The following KCTD14 variants were observed in gnomAD, a reference collection of about 807,000 sequenced individuals.
The protein encoded by KCTD14 is BTB/POZ domain-containing protein KCTD14.
Under a neutral mutation model 5.9 loss-of-function variants are expected in KCTD14, and 7 were observed. The ratio of observed to expected loss-of-function variants is 1.19; its 90% confidence interval spans 0.68 to 2.23. The LOEUF is 2.23. Ranked by LOEUF, KCTD14 falls within the 30% of genes most tolerant of loss-of-function variation. The pLI is 0.00. For missense variants in KCTD14, 342 were observed against 332.2 expected (o/e 1.03, Z -0.23); for synonymous variants, 140 against 133.1 (o/e 1.05, Z -0.36).
At chr11:78,018,179 T>G (rs1435018553) in intron 1 of KCTD14, among the ~76,000 whole-genome samples, 2 of 152,160 alleles carry the variant, frequency 1.3e-5, no homozygotes, top group Admixed American at 6.5e-5. Context: ...TCAGCAATGA[T>G]ACTTCCAAAG....
Position 78,016,932 on chromosome 11 carries a change from C to T in KCTD14, c.429G>A (p.Pro143=), listed in dbSNP as rs138302094. Residue 143 remains proline, a synonymous_variant, in exon 2 of 2, where the codon CCG becomes CCA. Transcript: ENST00000353172. ...TGAGCTCCAGGTTCTCGCTGTAGCC[C>T]GGCACTTGCAGCAAAAACTGCTTCC... ...VSRKQFLLQV[P]GYSENLELMV... is the part of the protein sequence containing the mutation. 324 of 1,614,088 alleles carry T rather than the reference C, an allele frequency of 2.0e-4. 1 individual carries two copies. The highest frequency in any genetic ancestry group is 2.5e-4 in the Non-Finnish European group (294 of 1,180,052).
chr11:78,016,965 C>G lies in KCTD14; in HGVS notation c.396G>C (p.Gln132His), dbSNP rs149221032. Residue 132 changes from glutamine to histidine, a missense_variant, in exon 2 of 2, where the codon CAG (glutamine) becomes CAC (histidine). Gln to His is a conservative substitution (Grantham distance 24, BLOSUM62 0). Transcript: ENST00000353172. Reference protein sequence around the residue: ...LEDMPQIFGEQVSRKQFLLQV... With the variant: ...LEDMPQIFGEHVSRKQFLLQV... ...GCAGCAAAAACTGCTTCCGAGACAC[C>G]TGCTCACCAAAGATCTGTGGCATGT... 20 of 1,614,118 alleles carry G rather than the reference C, an allele frequency of 1.2e-5. No individual in the cohort carries two copies. The African/African-American group carries it at 2.0e-4, about 16-fold the overall frequency.
chr11:78,017,613 T>C (rs1857206575), intron 1 of KCTD14, among the ~76,000 whole-genome samples: 1 of 151,944 alleles, frequency 6.6e-6, no homozygotes, highest in Non-Finnish European at 1.5e-5. Flanking sequence ...CCCAACTAAT[T>C]TTTGTATTTT....
chr11:78,021,327 A>C (rs1591177542), intron 1 of KCTD14, among the ~76,000 whole-genome samples: 1 of 132,508 alleles, frequency 7.5e-6, no homozygotes, highest in South Asian at 2.5e-4. Flanking sequence ...AAAAAAAAAA[A>C]AAGTTTCCTG....
At chr11:78,033,231 G>A (rs1166524405) in intron 2 of KCTD14, among the ~76,000 whole-genome samples, 1 of 152,190 alleles carries the variant, frequency 6.6e-6, no homozygotes, top group African/African-American at 2.4e-5. Context: ...AAGAATGTTC[G>A]TTGCGTCATT....
Position 78,017,176 on chromosome 11 carries a change from A to G in KCTD14, c.185T>C (p.Met62Thr). The G allele has an allele frequency of 1.9e-6, 3 of 1,613,960 alleles. No homozygotes were observed. The highest frequency in any genetic ancestry group is 2.2e-5 in the South Asian group (2 of 91,070). Residue 62 changes from methionine (M) to threonine (T), a missense_variant, in exon 2 of 2, where the codon ATG (methionine) becomes ACG (threonine). Coordinates refer to ENST00000353172, the MANE Select transcript of KCTD14 (RefSeq NM_023930.4). ...RKFPGSKLAE[M>T]FSSLAKASTD... ...GGAGGCCTTGGCTAAGCTAGAGAAC[A>G]TCTCTGCCAGCTTTGAGCCCGGAAA...
chr11:78,033,901 G>GTGTATATATATATATATATATATA, intron 2 of KCTD14, among the ~76,000 whole-genome samples: 4 of 115,590 alleles, frequency 3.5e-5, no homozygotes, highest in African/African-American at 1.0e-4. Context: ...GTGTGTGTGT[G>GTGTATATATATATATATATATATA]TATATATATA....
intron 1 of KCTD14, among the ~76,000 whole-genome samples, chr11:78,044,693 A>G (rs973650416): frequency 5.9e-5 from 9 of 152,184 alleles, no homozygotes; most frequent in African/African-American, 2.2e-4. Context: ...GGAGGGGCAT[A>G]AGGCAGAGGG....
At chr11:78,040,960 G>A (rs181201861) in intron 1 of KCTD14, among the ~76,000 whole-genome samples, 23 of 152,282 alleles carry the variant, frequency 1.5e-4, no homozygotes, top group African/African-American at 2.4e-4. Flanking sequence ...GTGAGCCACC[G>A]CGCCCGGCCA....
At chr11:78,021,665 A>T (rs188557628) in intron 1 of KCTD14, among the ~76,000 whole-genome samples, 23 of 152,116 alleles carry the variant, frequency 1.5e-4, no homozygotes, top group African/African-American at 4.8e-4. Flanking sequence ...TGGTCCACCC[A>T]CCTCTGCCTC....
At chr11:78,034,942 A>T (rs1285380395) in intron 2 of KCTD14, among the ~76,000 whole-genome samples, 1 of 152,124 alleles carries the variant, frequency 6.6e-6, no homozygotes, top group Non-Finnish European at 1.5e-5. Context: ...CCATCTTGCC[A>T]CCATATGTAG....
intron 1 of KCTD14, among the ~76,000 whole-genome samples, chr11:78,043,055 C>A (rs979604747): frequency 6.6e-6 from 1 of 152,158 alleles, no homozygotes; most frequent in African/African-American, 2.4e-5. Flanking sequence ...GTAATCCCTG[C>A]CTTGGCCTCC....
At chr11:78,039,164 G>T (rs1040894420) in intron 1 of KCTD14, among the ~76,000 whole-genome samples, 1 of 151,832 alleles carries the variant, frequency 6.6e-6, no homozygotes, top group Non-Finnish European at 1.5e-5. Context: ...GACAGGGTTG[G>T]TGCCACCCCT....
rs1418939316 is a variant in KCTD14, at chr11:78,016,270, T to C, written c.*323A>G. On this transcript the variant is annotated 3_prime_UTR_variant, in exon 2 of 2. Coordinates refer to ENST00000353172, the MANE Select transcript of KCTD14 (RefSeq NM_023930.4). ...ACATCTAGATTCACAGTATCTTGTA[T>C]GTTCCTGTTGTCATCTCACATCTCT... 2 of 355,772 alleles carry C rather than the reference T, an allele frequency of 5.6e-6. No homozygotes were observed. The highest frequency in any genetic ancestry group is 1.0e-5 in the Non-Finnish European group (2 of 193,444). 22.0% of individuals were successfully genotyped at this position (355,772 alleles called of 1,614,324 possible).
Position 78,016,931 on chromosome 11 carries a change from C to G in KCTD14, c.430G>C (p.Gly144Arg). 2.5e-6 allele frequency: 4 copies of G among 1,614,206 alleles called. No homozygotes were observed. In the South Asian group the frequency reaches 4.4e-5, roughly 18 times the overall value. The change falls in exon 2 of 2, where the codon GGC (glycine) becomes CGC (arginine). Residue 144 changes from glycine (G) to arginine (R), a missense_variant. Coordinates refer to ENST00000353172, the MANE Select transcript of KCTD14 (RefSeq NM_023930.4). Reference protein sequence around the residue: ...SRKQFLLQVPGYSENLELMVR... With the variant: ...SRKQFLLQVPRYSENLELMVR... The stretch of plus-strand genomic sequence containing the variant: ...ATGAGCTCCAGGTTCTCGCTGTAGC[C>G]CGGCACTTGCAGCAAAAACTGCTTC...
Position 78,017,130 on chromosome 11 carries a change from G to A in KCTD14, c.231C>T (p.Phe77=). 6.2e-7 allele frequency: 1 copy of A among 1,614,174 alleles called. No individual in the cohort carries two copies. The highest frequency in any genetic ancestry group is 8.5e-7 in the Non-Finnish European group (1 of 1,180,030). Residue 77 remains phenylalanine, a synonymous_variant, in exon 2 of 2, where the codon TTC becomes TTT. Transcript: ENST00000353172. ...AATAGGTGCTGGGGCGGTCGATGAAGAAGCGGCCCTCCGCGTCCGTGGAGG... is the reference window on the plus strand; with the variant it reads ...AATAGGTGCTGGGGCGGTCGATGAAAAAGCGGCCCTCCGCGTCCGTGGAGG... The part of the protein sequence containing the change: ...AKASTDAEGR[F]FIDRPSTYFR...
chr11:78,026,446 A>AAAAAG (rs141028052), upstream of KCTD14, among the ~76,000 whole-genome samples: 185 of 151,454 alleles, frequency 1.2e-3, no homozygotes, highest in African/African-American at 3.9e-3. Context: ...CCATCTCAAA[A>AAAAAG]AAAAGAAAAG....
chr11:78,024,470 A>G (rs546921786), upstream of KCTD14, among the ~76,000 whole-genome samples: 17 of 150,478 alleles, frequency 1.1e-4, no homozygotes, highest in South Asian at 4.2e-4. Flanking sequence ...ACATATATAT[A>G]TATAAAATTG....
chr11:78,029,788 T>A (rs1272836989), intron 2 of KCTD14, among the ~76,000 whole-genome samples: 1 of 145,066 alleles, frequency 6.9e-6, no homozygotes, highest in Admixed American at 6.9e-5. Flanking sequence ...TTTTTTTTTC[T>A]TTTTTTTTTT....
Sources: gnomAD v4.1 joint callset for allele counts (sites outside exome capture counted in the v4.1 genomes callset) on GRCh38, gnomAD v4.1.1 for gene constraint, MANE v1.5 for transcripts, NCBI Gene and HGNC (gene_info 2026-07-23, HGNC 2026-07-21) for gene names.